The following GRIN2B variants were observed in gnomAD, a reference collection of about 807,000 sequenced individuals.
GRIN2B encodes the protein glutamate receptor ionotropic, NMDA 2B.
Under a neutral mutation model 114.5 loss-of-function variants are expected in GRIN2B, and 5 were observed. The observed-to-expected ratio is 0.04, with a 90% CI of 0.02 to 0.09. The LOEUF is 0.09. GRIN2B is among the 10% of genes least tolerant of loss of function. The pLI, the probability that GRIN2B is intolerant of heterozygous loss-of-function variation, is 1.00. For synonymous variants in GRIN2B, 787 were observed against 745.1 expected (o/e 1.06, Z -0.92); for missense variants, 1,108 against 1,943.5 (o/e 0.57, Z 8.08).
chr12:13,661,396 A>G (rs1049972538), intron 5 of GRIN2B, among the ~76,000 whole-genome samples: 2 of 152,214 alleles, frequency 1.3e-5, no homozygotes, highest in African/African-American at 2.4e-5. Flanking sequence ...CTACACTTCC[A>G]GGGTACATCT....
At chr12:13,755,252 G>A (rs1863556623) in intron 3 of GRIN2B, among the ~76,000 whole-genome samples, 2 of 152,178 alleles carry the variant, frequency 1.3e-5, no homozygotes, top group Non-Finnish European at 2.9e-5. Context: ...CTGAGAAATT[G>A]CTGAGCATTT....
intron 4 of GRIN2B, among the ~76,000 whole-genome samples, chr12:13,697,800 A>AAC (rs1405778909): frequency 6.6e-6 from 1 of 152,132 alleles, no homozygotes; most frequent in East Asian, 1.9e-4. Context: ...CACTGTATAA[A>AAC]ACACACACAC....
intron 5 of GRIN2B, among the ~76,000 whole-genome samples, chr12:13,650,990 T>C (rs552650008): frequency 5.9e-5 from 9 of 152,240 alleles, no homozygotes; most frequent in African/African-American, 1.9e-4. Flanking sequence ...GAATACCATT[T>C]AACCTAAAGG....
intron 4 of GRIN2B, among the ~76,000 whole-genome samples, chr12:13,686,081 A>G (rs940760238): frequency 2.0e-5 from 3 of 152,164 alleles, no homozygotes; most frequent in African/African-American, 2.4e-5. Context: ...GTGCTGGTCA[A>G]AAGTTATCAG....
At chr12:13,636,562 T>A (rs905543649) in intron 5 of GRIN2B, among the ~76,000 whole-genome samples, 4 of 152,006 alleles carry the variant, frequency 2.6e-5, no homozygotes, top group Non-Finnish European at 5.9e-5. Flanking sequence ...ACTTTCTGGA[T>A]ATGTTTGACA....
intron 2 of GRIN2B, among the ~76,000 whole-genome samples, chr12:13,925,824 T>C (rs1283195909): frequency 6.6e-6 from 1 of 152,208 alleles, no homozygotes; most frequent in African/African-American, 2.4e-5. Flanking sequence ...TAATGGTTTT[T>C]ACAATAAGTA....
chr12:13,580,264 C>T (rs1319212041), intron 10 of GRIN2B, among the ~76,000 whole-genome samples: 1 of 152,158 alleles, frequency 6.6e-6, no homozygotes, highest in South Asian at 2.1e-4. Flanking sequence ...GAGGAACTGC[C>T]TTCTTGGGTA....
intron 10 of GRIN2B, among the ~76,000 whole-genome samples, chr12:13,602,997 C>T (rs369004662): frequency 6.6e-6 from 1 of 152,276 alleles, no homozygotes; most frequent in East Asian, 1.9e-4. Context: ...TTAGCAGCCT[C>T]CACCTCCCTG....
In GRIN2B at chr12:13,753,595, G is replaced by C. The variant is rs201554036; in HGVS notation, c.732C>G (p.Ala244=). The C allele has an allele frequency of 4.5e-5, 73 of 1,614,020 alleles. No individual in the cohort carries two copies. The highest frequency in any genetic ancestry group is 5.8e-5 in the Non-Finnish European group (69 of 1,180,010). Residue 244 remains alanine (A), a synonymous_variant, in exon 4 of 14, where the codon GCC becomes GCG. Coordinates refer to ENST00000609686, the MANE Select transcript of GRIN2B (RefSeq NM_000834.5). The surrounding 1 kb of genome is among the most constrained non-coding windows in gnomAD (Gnocchi z 6.2). ...CATAGCCAGTCAGCCCTACTGAGTTGGCCACTTCAAAGATGTAGGTGGCTT... is the reference window on the plus strand; with the variant it reads ...CATAGCCAGTCAGCCCTACTGAGTTCGCCACTTCAAAGATGTAGGTGGCTT... ...KEEATYIFEV[A]NSVGLTGYGY... is the part of the protein sequence containing the mutation.
At position 13,607,376 on chromosome 12, in the gene GRIN2B, A is replaced by ATATAT. The variant is rs1565473765; in HGVS notation, c.2010+1222_2010+1226dup. 4.3e-3 allele frequency among the ~76,000 whole-genome samples: 155 copies of ATATAT among 36,180 alleles called. 5 individuals are homozygous for ATATAT. The highest frequency in any genetic ancestry group is 0.011 in the African/African-American group (124 of 11,056). 23.7% of individuals were successfully genotyped at this position (36,180 alleles called of 152,430 possible). A position where few individuals can be genotyped will look rare whatever the true frequency, so the allele number is the denominator to read the frequency against. On this transcript the variant is annotated intron_variant, in intron 10 of 13. Coordinates refer to ENST00000609686, the MANE Select transcript of GRIN2B (RefSeq NM_000834.5). ...AAATATATAATATATATTATATATT[A>ATATAT]TATATATAATATATATTATATATAA...
At chr12:13,646,770 C>T (rs1156547434) in intron 5 of GRIN2B, among the ~76,000 whole-genome samples, 1 of 152,050 alleles carries the variant, frequency 6.6e-6, no homozygotes. Context: ...CTCAGACTAT[C>T]CTCCTGCCTC....
intron 3 of GRIN2B, among the ~76,000 whole-genome samples, chr12:13,852,774 A>AAATGGCTCCATGGC (rs1320116349): frequency 6.6e-6 from 1 of 151,906 alleles, no homozygotes; most frequent in Non-Finnish European, 1.5e-5. Context: ...CCAGAACTCA[A>AAATGGCTCCATGGC]AATGGCTCCA....
intron 2 of GRIN2B, among the ~76,000 whole-genome samples, chr12:13,962,089 T>TACATACACACACACACACACACAC (rs375862677): frequency 6.9e-6 from 1 of 145,238 alleles, no homozygotes; most frequent in Non-Finnish European, 1.5e-5. Context: ...CTCTCATACA[T>TACATACACACACACACACACACAC]ACACACACAC....
intron 3 of GRIN2B, among the ~76,000 whole-genome samples, chr12:13,786,593 A>C (rs11055615): frequency 0.021 from 3,239 of 152,212 alleles, 56 homozygotes; most frequent in Non-Finnish European, 0.028. Flanking sequence ...CGTGGTGATC[A>C]GGGTCCGGAG....
intron 4 of GRIN2B, among the ~76,000 whole-genome samples, chr12:13,723,779 G>A (rs1204337239): frequency 1.3e-5 from 2 of 152,128 alleles, no homozygotes; most frequent in Non-Finnish European, 2.9e-5. Flanking sequence ...TACATGAGCA[G>A]TTGGCTGGCT....
intron 3 of GRIN2B, among the ~76,000 whole-genome samples, chr12:13,852,057 C>G (rs1235081900): frequency 6.6e-6 from 1 of 152,202 alleles, no homozygotes; most frequent in African/African-American, 2.4e-5. Flanking sequence ...CCCTACTACT[C>G]TGGATTACAT....
At chr12:13,756,141 G>C (rs1194152539) in intron 3 of GRIN2B, among the ~76,000 whole-genome samples, 2 of 151,934 alleles carry the variant, frequency 1.3e-5, no homozygotes, top group South Asian at 4.1e-4. Context: ...TCAGCCTCCC[G>C]AGTAGCTGGG....
At position 13,560,385 on chromosome 12, in the gene GRIN2B, A is replaced by C. The variant is rs561892016; in HGVS notation, c.*2398T>G. ...TCACAAGAGAACACTTTATCTATAC[A>C]AAATTAGAAAACAAAATATTTACAT... On this transcript the variant is annotated 3_prime_UTR_variant, in exon 14 of 14. Coordinates refer to ENST00000609686, the MANE Select transcript of GRIN2B (RefSeq NM_000834.5). 1 of 152,338 alleles carries C rather than the reference A, an allele frequency of 6.6e-6. No individual in the cohort carries two copies. The highest frequency in any genetic ancestry group is 6.5e-5 in the Admixed American group (1 of 15,314). 9.4% of individuals were successfully genotyped at this position (152,338 alleles called of 1,614,324 possible). A position where few individuals can be genotyped will look rare whatever the true frequency, so the allele number is the denominator to read the frequency against.
Position 13,671,081 on chromosome 12 carries a change from G to A in GRIN2B, c.1125+4664C>T, listed in dbSNP as rs542856135. Among the ~76,000 whole-genome samples, 21 of 152,226 alleles carry A rather than the reference G, an allele frequency of 1.4e-4. 1 individual carries two copies. The highest frequency in any genetic ancestry group is 1.1e-3 in the Admixed American group (17 of 15,284). ...CTGGGAACAGCATTGCTCTGGAGAGGGAAGCAAAGGGTCATAGATGAGAAG... is the reference window on the plus strand; with the variant it reads ...CTGGGAACAGCATTGCTCTGGAGAGAGAAGCAAAGGGTCATAGATGAGAAG... On this transcript the variant is annotated intron_variant, in intron 5 of 13. Transcript: ENST00000609686.
Sources: allele counts gnomAD v4.1 joint callset (sites outside exome capture counted in the v4.1 genomes callset), GRCh38; gene constraint gnomAD v4.1.1; non-coding constraint Gnocchi (gnomAD v3.1); transcripts MANE v1.5; gene names NCBI Gene and HGNC (gene_info 2026-07-23, HGNC 2026-07-21).